The following ADCY6 variants were observed in gnomAD, a reference collection of about 807,000 sequenced individuals.
ADCY6 encodes adenylate cyclase type 6.
Under a neutral mutation model 111.6 loss-of-function variants are expected in ADCY6, and 59 were observed. The observed-to-expected ratio is 0.53, with a 90% CI of 0.43 to 0.66. ADCY6 has a LOEUF of 0.66. ADCY6 is among the 30% of genes least tolerant of loss of function. ADCY6 has a pLI of 0.00. For synonymous variants in ADCY6, 576 were observed against 642.9 expected, an observed-to-expected ratio of 0.90 and a Z score of 1.57; for missense variants, 1,242 against 1,595.6, an observed-to-expected ratio of 0.78 and a Z score of 3.78.
chr12:48,777,152 T>C lies in ADCY6; in HGVS notation c.1328A>G (p.His443Arg). The C allele has an allele frequency of 6.2e-7, 1 of 1,613,886 alleles. No individual in the cohort carries two copies. Among genetic ancestry groups the C allele is most frequent in the Non-Finnish European group, 8.5e-7 (1 of 1,179,892 alleles). The change falls in exon 6 of 22, where the codon CAT (histidine) becomes CGT (arginine). Residue 443 changes from histidine (H) to arginine (R), a missense_variant. Physicochemically the swap from His to Arg is conservative, Grantham distance 29. Around this residue, in one of 4 missense-constraint regions of ADCY6, gnomAD observed 260 missense variants for 414.6 expected, o/e 0.63. Transcript: ENST00000357869. This position sits in a 1 kb window ranked among gnomAD's most constrained non-coding sequence, Gnocchi z 4.9. ...CCCCATCTCCACACAGCAGTGGGCA[T>C]GGTCGGCCCGGGCCTCCGGCAGCCC... ...VSGLPEARAD[H>R]AHCCVEMGVD... is the part of the protein sequence containing the mutation.
chr12:48,786,599 G>C (rs908993513), intron 1 of ADCY6, among the ~76,000 whole-genome samples: 4 of 152,148 alleles, frequency 2.6e-5, no homozygotes, highest in African/African-American at 9.7e-5. Flanking sequence ...CTAACCTCAG[G>C]TGATCTGCCT....
intron 1 of ADCY6, among the ~76,000 whole-genome samples, chr12:48,784,367 G>C (rs1161847749): frequency 6.6e-6 from 1 of 151,758 alleles, no homozygotes; most frequent in East Asian, 1.9e-4. Context: ...AAAGAAGAAA[G>C]AGTTGCCCAA....
intron 2 of ADCY6, among the ~76,000 whole-genome samples, chr12:48,781,430 C>T (rs1308709008): frequency 1.3e-5 from 2 of 152,144 alleles, no homozygotes. Flanking sequence ...GTGCTGATGG[C>T]GGGGCTGTGC....
In ADCY6 at chr12:48,768,949, G is replaced by A. The variant is rs376267516; in HGVS notation, c.3369C>T (p.Pro1123=). ...ATATCCCCCTCACCTGGATTCGGTCGGGGACCCCCGTGCTGTCCATACGAC... is the reference window on the plus strand; with the variant it reads ...ATATCCCCCTCACCTGGATTCGGTCAGGGACCCCCGTGCTGTCCATACGAC... ...VSSRMDSTGV[P]DRIQVTTDLY... The change falls in exon 21 of 22, where the codon CCC becomes CCT. Residue 1123 remains proline, a synonymous_variant. Coordinates refer to ENST00000357869, the MANE Select transcript of ADCY6 (RefSeq NM_015270.5). The A allele has an allele frequency of 2.6e-5, 42 of 1,611,864 alleles. No homozygotes were observed. The highest frequency in any genetic ancestry group is 9.9e-5 in the South Asian group (9 of 90,650).
Position 48,775,283 on chromosome 12 carries a change from C to G in ADCY6, c.1980+20G>C, listed in dbSNP as rs750661733. 4 of 1,613,660 alleles carry G rather than the reference C, an allele frequency of 2.5e-6. No individual in the cohort carries two copies. Among genetic ancestry groups the G allele is most frequent in the Non-Finnish European group, 3.4e-6 (4 of 1,179,844 alleles). On this transcript the variant is annotated intron_variant, in intron 11 of 21. Transcript: ENST00000357869. Reference sequence around the variant, plus strand: ...TGCCCCTCCCCCAGCCCTTGTCCTTCTGCCCTGTATCCCTCAAACCTTCTT... The same window carrying G: ...TGCCCCTCCCCCAGCCCTTGTCCTTGTGCCCTGTATCCCTCAAACCTTCTT...
In ADCY6 at chr12:48,770,723, A is replaced by G. The variant is rs1268362100; in HGVS notation, c.3256+43T>C. 4.4e-6 allele frequency: 7 copies of G among 1,589,612 alleles called. No homozygotes were observed. In the African/African-American group the frequency reaches 5.4e-5, roughly 12 times the overall value. Reference sequence around the variant, plus strand: ...AGCCTATAATCCCAGCTTCACCTGGAAAAAGTCCTGGGAAAACCCGCCAAG... The same window carrying G: ...AGCCTATAATCCCAGCTTCACCTGGGAAAAGTCCTGGGAAAACCCGCCAAG... On this transcript the variant is annotated intron_variant, in intron 20 of 21. Coordinates refer to ENST00000357869, the MANE Select transcript of ADCY6 (RefSeq NM_015270.5).
In ADCY6 at chr12:48,775,274, C is replaced by G. The variant is rs767734833; in HGVS notation, c.1980+29G>C. 4 of 1,613,506 alleles carry G rather than the reference C, an allele frequency of 2.5e-6. No individual in the cohort carries two copies. The South Asian group carries it at 4.4e-5, about 18-fold the overall frequency. ...GCTGCGACCTGCCCCTCCCCCAGCC[C>G]TTGTCCTTCTGCCCTGTATCCCTCA... On this transcript the variant is annotated intron_variant, in intron 11 of 21. Transcript: ENST00000357869.
rs567783942 is a variant in ADCY6 at position 48,773,584 on chromosome 12, T to G, written c.2506A>C (p.Ile836Leu). The G allele has an allele frequency of 5.0e-6, 8 of 1,614,134 alleles. No individual in the cohort carries two copies. The highest frequency in any genetic ancestry group is 5.9e-6 in the Non-Finnish European group (7 of 1,180,010). Residue 836 changes from isoleucine (I) to leucine (L), a missense_variant, in exon 16 of 22, where the codon ATC becomes CTC. Transcript: ENST00000357869. Reference protein sequence around the residue: ...ASSVFLHISSIGKLAMIFVLG... With the variant: ...ASSVFLHISSLGKLAMIFVLG... ...ACAAAGATCATGGCCAACTTCCCGATGCTGCTGATGTGCAGGAAGACAGAG... is the reference window on the plus strand; with the variant it reads ...ACAAAGATCATGGCCAACTTCCCGAGGCTGCTGATGTGCAGGAAGACAGAG...
rs1210744036 is a variant in ADCY6, at chr12:48,782,129, A to G, written c.864+442T>C. Among the ~76,000 whole-genome samples, 4 of 152,038 alleles carry G rather than the reference A, an allele frequency of 2.6e-5. No homozygotes were observed. The highest frequency in any genetic ancestry group is 9.7e-5 in the African/African-American group (4 of 41,386). On this transcript the variant is annotated intron_variant, in intron 2 of 21. Transcript: ENST00000357869. The surrounding 1 kb of genome is among the most constrained non-coding windows in gnomAD (Gnocchi z 4.3). Reference sequence around the variant, plus strand: ...CCTAGAGCTGCTCTTCAGGGATAGCACCAGCGCCTCAGTCTCTGGTGTCAA... The same window carrying G: ...CCTAGAGCTGCTCTTCAGGGATAGCGCCAGCGCCTCAGTCTCTGGTGTCAA...
rs2137322570 is a variant in ADCY6, at chr12:48,768,531, GCA to G, written c.*58_*59del. On this transcript the variant is annotated 3_prime_UTR_variant, in exon 22 of 22. Transcript: ENST00000357869. Reference sequence around the variant, plus strand: ...CCCCTGCCACAGCTCCACCCAGTGAGCACAGAGTCCACTCAATGCCCACCTTG... The same window carrying G: ...CCCCTGCCACAGCTCCACCCAGTGAGCAGAGTCCACTCAATGCCCACCTTG... The G allele has an allele frequency of 1.2e-6, 2 of 1,613,078 alleles. No individual in the cohort carries two copies. Among genetic ancestry groups the G allele is most frequent in the Admixed American group, 1.7e-5 (1 of 60,008 alleles).
chr12:48,774,203 A>C, intron 14 of ADCY6, 105 bp from the exon 15 acceptor site: 1 of 1,172,176 alleles, frequency 8.5e-7, no homozygotes, highest in Non-Finnish European at 1.2e-6. Context: ...GGTACCTTAT[A>C]CCCCATGGGC....
At chr12:48,784,672 T>G (rs1051222482) in intron 1 of ADCY6, among the ~76,000 whole-genome samples, 5 of 136,856 alleles carry the variant, frequency 3.7e-5, no homozygotes, top group East Asian at 2.0e-4. Context: ...GGAGTTTTTT[T>G]TTTTTTTTTT....
rs753912669 is a variant in ADCY6, at chr12:48,782,596, C to T, written c.839G>A (p.Arg280His). Reference sequence around the variant, plus strand: ...CTGCTTCCAGAGGAAGGCATCACCACGGTTAAGTTGCCAGGCCAAGATCAA... The same window carrying T: ...CTGCTTCCAGAGGAAGGCATCACCATGGTTAAGTTGCCAGGCCAAGATCAA... ...LHLILAWQLN[R>H]GDAFLWKQLG... Residue 280 changes from arginine to histidine, a missense_variant, in exon 2 of 22, where the codon CGT (arginine) becomes CAT (histidine). Coordinates refer to ENST00000357869, the MANE Select transcript of ADCY6 (RefSeq NM_015270.5). The surrounding 1 kb of genome is among the most constrained non-coding windows in gnomAD (Gnocchi z 4.3). 5.6e-6 allele frequency: 9 copies of T among 1,611,770 alleles called. No individual in the cohort carries two copies. The highest frequency in any genetic ancestry group is 4.5e-5 in the East Asian group (2 of 44,882).
intron 11 of ADCY6, 119 bp downstream of exon 11, chr12:48,775,184 T>C (rs1941662759): frequency 1.3e-6 from 2 of 1,497,262 alleles, no homozygotes; most frequent in Non-Finnish European, 1.8e-6. Context: ...ATCCTCACCC[T>C]GCTCTGTGGT....
Position 48,773,945 on chromosome 12 carries a change from G to A in ADCY6, c.2437C>T (p.Pro813Ser). 1 of 1,613,778 alleles carries A rather than the reference G, an allele frequency of 6.2e-7. No individual in the cohort carries two copies. Among genetic ancestry groups the A allele is most frequent in the Non-Finnish European group, 8.5e-7 (1 of 1,179,870 alleles). ...CEGTMPTCSF[P>S]EYFIGNMLLS... ...CCTGAGCACTGCTCGAACACCTCAG[G>A]AAAGCTGCAGGTGGGCATGGTGCCC... Residue 813 changes from proline (P) to serine (S), a missense_variant, in exon 15 of 22, where the codon CCT becomes TCT. Around this residue, in one of 4 missense-constraint regions of ADCY6, gnomAD observed 375 missense variants for 432.5 expected, o/e 0.87. Coordinates refer to ENST00000357869, the MANE Select transcript of ADCY6 (RefSeq NM_015270.5).
intron 14 of ADCY6, 83 bp from the exon 15 acceptor site, chr12:48,774,181 G>C: frequency 7.4e-7 from 1 of 1,357,380 alleles, no homozygotes; most frequent in Admixed American, 2.1e-5. Flanking sequence ...ACCCTAACCT[G>C]GGCTATGCCC....
intron 1 of ADCY6, among the ~76,000 whole-genome samples, chr12:48,784,393 A>G (rs1006895476): frequency 6.6e-5 from 10 of 152,170 alleles, no homozygotes; most frequent in African/African-American, 2.4e-4. Context: ...CAGCAGCCAC[A>G]TAAGTGAGAG....
Position 48,776,188 on chromosome 12 carries a change from C to A in ADCY6, c.1677+21G>T. 6.2e-7 allele frequency: 1 copy of A among 1,614,092 alleles called. No individual in the cohort carries two copies. On this transcript the variant is annotated intron_variant, in intron 8 of 21. Transcript: ENST00000357869. This position sits in a 1 kb window ranked among gnomAD's most constrained non-coding sequence, Gnocchi z 6.1. ...GTCCCTCTTCTTGCTCCCCTGCCCC[C>A]AGCCCTGCCCTGGCCCTGACCCGTT... is the stretch of plus-strand genomic sequence containing the variant.
chr12:48,774,883 C>T (rs1393005192), intron 12 of ADCY6, 74 bp downstream of exon 12: 2 of 1,521,128 alleles, frequency 1.3e-6, no homozygotes, highest in Non-Finnish European at 1.8e-6. Context: ...GGATTGTGGG[C>T]TTGTGTGGGT....
Sources: allele counts gnomAD v4.1 joint callset (sites outside exome capture counted in the v4.1 genomes callset), GRCh38; gene constraint gnomAD v4.1.1; regional missense constraint gnomAD v4.1.1; non-coding constraint Gnocchi (gnomAD v3.1); transcripts MANE v1.5; gene names NCBI Gene and HGNC (gene_info 2026-07-23, HGNC 2026-07-21).